The following ZNF423 variants were observed in gnomAD, a reference collection of about 807,000 sequenced individuals.
ZNF423 encodes Ebf-associated zinc finger protein.
A neutral mutation model predicts 95.8 loss-of-function variants in ZNF423; 12 were observed. The ratio of observed to expected loss-of-function variants is 0.13; its 90% confidence interval spans 0.08 to 0.20. The LOEUF (loss-of-function observed/expected upper bound fraction) is 0.20, where lower values mean the gene tolerates loss of function less well. ZNF423 is among the 10% of genes least tolerant of loss of function. The probability of loss-of-function intolerance (pLI) is 1.00; values close to 1 mark genes in which losing one functional copy is unlikely to be tolerated. For missense variants in ZNF423, 1,316 were observed against 1,737.1 expected (o/e 0.76, Z 4.31); for synonymous variants, 749 against 711.9 (o/e 1.05, Z -0.83).
intron 5 of ZNF423, among the ~76,000 whole-genome samples, chr16:49,592,769 C>T (rs757436148): frequency 1.2e-4 from 18 of 152,234 alleles, no homozygotes; most frequent in Non-Finnish European, 2.2e-4. Flanking sequence ...CTGCCAGAAC[C>T]GGCGGACCTG....
intron 2 of ZNF423, among the ~76,000 whole-genome samples, chr16:49,778,991 A>G (rs1453123867): frequency 6.6e-6 from 1 of 152,210 alleles, no homozygotes; most frequent in Non-Finnish European, 1.5e-5. Context: ...AACTTACTCC[A>G]TATTGAACAG....
intron 3 of ZNF423, among the ~76,000 whole-genome samples, chr16:49,710,885 C>T (rs1290710314): frequency 6.6e-6 from 1 of 152,160 alleles, no homozygotes; most frequent in Non-Finnish European, 1.5e-5. Context: ...AACACCTGTG[C>T]CCCACCCCCA....
At position 49,636,016 on chromosome 16, in the gene ZNF423, G is replaced by C; in HGVS notation, c.3160C>G (p.Leu1054Val). The change falls in exon 4 of 8, where the codon CTG (leucine) becomes GTG (valine). Residue 1054 changes from leucine to valine, a missense_variant. Transcript: ENST00000563137. This position sits in a 1 kb window ranked among gnomAD's most constrained non-coding sequence, Gnocchi z 8.6. ...GAGGACGCCGCTGAGCTGCCCGCCA[G>C]CTTCTGCATGTGGAAGGTGCCATGG... ...KIHGTFHMQK[L>V]AGSSAASSPN... is the part of the protein sequence containing the mutation. 1 of 1,608,484 alleles carries C rather than the reference G, an allele frequency of 6.2e-7. No individual in the cohort carries two copies. Among genetic ancestry groups the C allele is most frequent in the East Asian group, 2.2e-5 (1 of 44,746 alleles).
At chr16:49,828,912 C>T (rs1205505128) in intron 1 of ZNF423, among the ~76,000 whole-genome samples, 1 of 152,220 alleles carries the variant, frequency 6.6e-6, no homozygotes, top group Non-Finnish European at 1.5e-5. Flanking sequence ...GGCAGGCTGG[C>T]CTGTGGCCTT....
At chr16:49,731,230 G>A (rs919117636) in intron 2 of ZNF423, 2 of 753,468 alleles carry the variant, frequency 2.7e-6, no homozygotes, top group Non-Finnish European at 1.6e-6. Flanking sequence ...ACGGATGCTG[G>A]GGGCCGTGAC....
chr16:49,682,594 C>T (rs1377558771), intron 3 of ZNF423, among the ~76,000 whole-genome samples: 1 of 152,116 alleles, frequency 6.6e-6, no homozygotes, highest in African/African-American at 2.4e-5. Context: ...GATGCCGCCC[C>T]GAGTATGACA....
At chr16:49,799,750 C>A (rs1379048344) in intron 1 of ZNF423, among the ~76,000 whole-genome samples, 2 of 152,172 alleles carry the variant, frequency 1.3e-5, no homozygotes, top group African/African-American at 2.4e-5. Context: ...TAAAATAGGA[C>A]AATGAGTGTG....
At chr16:49,721,348 G>A (rs551548648) in intron 3 of ZNF423, among the ~76,000 whole-genome samples, 9 of 152,220 alleles carry the variant, frequency 5.9e-5, no homozygotes, top group Admixed American at 3.3e-4. Flanking sequence ...AGGCATTCAC[G>A]GCCCCGAATA....
intron 3 of ZNF423, among the ~76,000 whole-genome samples, chr16:49,644,165 C>T (rs1490763599): frequency 6.6e-6 from 1 of 152,030 alleles, no homozygotes; most frequent in Non-Finnish European, 1.5e-5. Flanking sequence ...AGGAGTGGGC[C>T]GAAAGGGAAC....
At chr16:49,796,417 A>G (rs1255373281) in intron 1 of ZNF423, among the ~76,000 whole-genome samples, 2 of 152,208 alleles carry the variant, frequency 1.3e-5, no homozygotes, top group Admixed American at 6.5e-5. Context: ...AACACCTCAC[A>G]GAGGCAGAAG....
chr16:49,642,336 G>A (rs919586584), intron 3 of ZNF423, among the ~76,000 whole-genome samples: 7 of 152,108 alleles, frequency 4.6e-5, no homozygotes, highest in Non-Finnish European at 7.4e-5. Context: ...CTGGTCCCGA[G>A]GCCCCACATC....
intron 5 of ZNF423, among the ~76,000 whole-genome samples, chr16:49,541,331 C>T (rs1206081977): frequency 6.6e-6 from 1 of 152,202 alleles, no homozygotes; most frequent in Admixed American, 6.5e-5. Context: ...TCTAAAAAGG[C>T]AGACTAACAA....
At position 49,776,880 on chromosome 16, in the gene ZNF423, G is replaced by A. The variant is rs1185363925; in HGVS notation, c.100+12607C>T. The stretch of plus-strand genomic sequence containing the variant: ...CTGGACATCTTGAACACCCCGCCTG[G>A]GCACTGTTCCTGATCCTTCAAGGGA... On this transcript the variant is annotated intron_variant, in intron 2 of 7. Transcript: ENST00000563137. Among the ~76,000 whole-genome samples, 5 of 152,214 alleles carry A rather than the reference G, an allele frequency of 3.3e-5. No homozygotes were observed. The South Asian group carries it at 8.3e-4, about 25-fold the overall frequency.
intron 5 of ZNF423, among the ~76,000 whole-genome samples, chr16:49,573,216 T>G (rs958197064): frequency 6.6e-6 from 1 of 152,014 alleles, no homozygotes; most frequent in African/African-American, 2.4e-5. Flanking sequence ...GATGGACTGA[T>G]GTATGTCCTG....
At position 49,855,077 on chromosome 16, in the gene ZNF423, G is replaced by A. The variant is rs1397009801; in HGVS notation, c.40+658C>T. Reference sequence around the variant, plus strand: ...TCCTGGCGGAGGCTCCCTGCCCGGTGGGCCTCGGTGGAGGAGGCAGGAAGT... The same window carrying A: ...TCCTGGCGGAGGCTCCCTGCCCGGTAGGCCTCGGTGGAGGAGGCAGGAAGT... On this transcript the variant is annotated intron_variant, in intron 1 of 7. Coordinates refer to ENST00000563137, the MANE Select transcript of ZNF423 (RefSeq NM_001379286.1). This position sits in a 1 kb window ranked among gnomAD's most constrained non-coding sequence, Gnocchi z 4.7. 96 of 980,554 alleles carry A rather than the reference G, an allele frequency of 9.8e-5. 1 individual carries two copies. The Middle Eastern group carries it at 3.7e-3, about 37-fold the overall frequency. The allele number at this position is 980,554 out of a possible 1,614,324, so 60.7% of individuals were successfully genotyped here.
intron 2 of ZNF423, among the ~76,000 whole-genome samples, chr16:49,774,902 AC>A (rs1417145522): frequency 2.0e-5 from 3 of 151,850 alleles, no homozygotes; most frequent in Non-Finnish European, 4.4e-5. Flanking sequence ...AGTTTTAAGA[AC>A]CCTCTCTATG....
intron 1 of ZNF423, among the ~76,000 whole-genome samples, chr16:49,819,635 G>C (rs2034909467): frequency 6.6e-6 from 1 of 152,218 alleles, no homozygotes; most frequent in African/African-American, 2.4e-5. Flanking sequence ...TTTTAGTAGA[G>C]ACAGTGTTTC....
chr16:49,771,696 A>T (rs1164482103), intron 2 of ZNF423, among the ~76,000 whole-genome samples: 1 of 152,176 alleles, frequency 6.6e-6, no homozygotes, highest in Non-Finnish European at 1.5e-5. Context: ...GACACCATGT[A>T]AGACGTGCCT....
intron 1 of ZNF423, among the ~76,000 whole-genome samples, chr16:49,853,332 A>G (rs955832163): frequency 7.2e-5 from 11 of 152,050 alleles, no homozygotes; most frequent in African/African-American, 1.9e-4. Flanking sequence ...AAAGCAATAA[A>G]TCCCTCACCT....
Sources: gnomAD v4.1 joint callset for allele counts (sites outside exome capture counted in the v4.1 genomes callset) on GRCh38, gnomAD v4.1.1 for gene constraint, Gnocchi (gnomAD v3.1) non-coding constraint, MANE v1.5 for transcripts, NCBI Gene and HGNC (gene_info 2026-07-23, HGNC 2026-07-21) for gene names.